Variants in SRPK2 observed in about 807,000 individuals in gnomAD.
SRPK2 encodes SFRS protein kinase 2.
Under a neutral mutation model 90.8 loss-of-function variants are expected in SRPK2, and 21 were observed. That is an observed-to-expected ratio of 0.23 (90% CI 0.16 to 0.33). The LOEUF (loss-of-function observed/expected upper bound fraction) is 0.33. Ranked by LOEUF, SRPK2 falls within the 10% of genes least tolerant of loss-of-function variation. The probability of loss-of-function intolerance (pLI) is 1.00; values close to 1 mark genes in which losing one functional copy is unlikely to be tolerated. For missense variants in SRPK2, 620 were observed against 869.0 expected, an observed-to-expected ratio of 0.71 and a Z score of 3.60; for synonymous variants, 288 against 311.1, an observed-to-expected ratio of 0.93 and a Z score of 0.78.
At chr7:105,160,867 T>C (rs1483706499) in intron 6 of SRPK2, among the ~76,000 whole-genome samples, 2 of 152,152 alleles carry the variant, frequency 1.3e-5, no homozygotes, top group East Asian at 1.9e-4. Flanking sequence ...AATGTACATA[T>C]GCTCGCCTCT....
intron 2 of SRPK2, among the ~76,000 whole-genome samples, chr7:105,286,411 T>C (rs1205458920): frequency 6.6e-6 from 1 of 152,214 alleles, no homozygotes; most frequent in East Asian, 1.9e-4. Flanking sequence ...GTCATTAACA[T>C]ATTAACTGTC....
At chr7:105,381,780 G>A (rs1202570155) in intron 2 of SRPK2, among the ~76,000 whole-genome samples, 1 of 152,128 alleles carries the variant, frequency 6.6e-6, no homozygotes, top group African/African-American at 2.4e-5. Context: ...AAAGTCATGG[G>A]CTTATGAGCT....
At chr7:105,157,649 G>T (rs1806721327) in intron 7 of SRPK2, among the ~76,000 whole-genome samples, 1 of 152,096 alleles carries the variant, frequency 6.6e-6, no homozygotes, top group East Asian at 1.9e-4. Flanking sequence ...CATTAACACT[G>T]CATATAAGAA....
intron 2 of SRPK2, among the ~76,000 whole-genome samples, chr7:105,208,032 A>C (rs1343501699): frequency 6.6e-6 from 1 of 152,224 alleles, no homozygotes; most frequent in Non-Finnish European, 1.5e-5. Flanking sequence ...ATGACCAATA[A>C]ATATATGAAA....
intron 2 of SRPK2, among the ~76,000 whole-genome samples, chr7:105,273,865 CTACAT>C (rs889422758): frequency 6.6e-6 from 1 of 152,072 alleles, no homozygotes; most frequent in Non-Finnish European, 1.5e-5. Context: ...TACAATTGAG[CTACAT>C]TAATTTATTC....
At chr7:105,329,020 A>C (rs531023484) in intron 2 of SRPK2, among the ~76,000 whole-genome samples, 1 of 152,130 alleles carries the variant, frequency 6.6e-6, no homozygotes, top group Non-Finnish European at 1.5e-5. Flanking sequence ...ATCCCTTAAA[A>C]AATAAAATAA....
At chr7:105,118,073 C>G (rs1301620721) in intron 15 of SRPK2, 51 bp from the exon 16 acceptor site, 1 of 1,594,414 alleles carries the variant, frequency 6.3e-7, no homozygotes, top group Admixed American at 1.7e-5. Context: ...ATCTGCATTC[C>G]CCATTGTTGG....
At chr7:105,385,622 A>G (rs1274839600) in intron 2 of SRPK2, among the ~76,000 whole-genome samples, 1 of 152,030 alleles carries the variant, frequency 6.6e-6, no homozygotes, top group Non-Finnish European at 1.5e-5. Flanking sequence ...GGTTTCTCGA[A>G]TACTTCCAGC....
At chr7:105,246,179 T>C (rs1040361709) in intron 2 of SRPK2, among the ~76,000 whole-genome samples, 1 of 152,236 alleles carries the variant, frequency 6.6e-6, no homozygotes, top group Non-Finnish European at 1.5e-5. Flanking sequence ...AAGATATTTA[T>C]GATGTTCATT....
intron 2 of SRPK2, among the ~76,000 whole-genome samples, chr7:105,380,531 T>C (rs1293367224): frequency 3.4e-5 from 5 of 148,290 alleles, no homozygotes; most frequent in African/African-American, 5.0e-5. Context: ...ATTTTTTTTT[T>C]TTTTTTTTTT....
intron 2 of SRPK2, among the ~76,000 whole-genome samples, chr7:105,350,409 A>G (rs920478408): frequency 6.7e-6 from 1 of 150,244 alleles, no homozygotes; most frequent in Non-Finnish European, 1.5e-5. Context: ...GATTACAGGC[A>G]TGAGCCACCG....
intron 2 of SRPK2, among the ~76,000 whole-genome samples, chr7:105,336,991 G>A (rs1344752602): frequency 6.6e-6 from 1 of 151,952 alleles, no homozygotes; most frequent in Non-Finnish European, 1.5e-5. Context: ...TAGTAGAGAT[G>A]GGGTTTCACT....
At chr7:105,345,922 G>A (rs1816397689) in intron 2 of SRPK2, among the ~76,000 whole-genome samples, 2 of 152,346 alleles carry the variant, frequency 1.3e-5, no homozygotes, top group Admixed American at 1.3e-4. Context: ...GGACATCACA[G>A]ATACAGAATG....
chr7:105,331,359 A>T (rs1251003840), intron 2 of SRPK2, among the ~76,000 whole-genome samples: 1 of 150,944 alleles, frequency 6.6e-6, no homozygotes, highest in African/African-American at 2.4e-5. Flanking sequence ...TACACAATTA[A>T]TCTGGATCAT....
intron 2 of SRPK2, among the ~76,000 whole-genome samples, chr7:105,360,774 C>A (rs1818337709): frequency 6.6e-6 from 1 of 152,136 alleles, no homozygotes; most frequent in South Asian, 2.1e-4. Flanking sequence ...GGTAACCCGA[C>A]AGGCCTTCAT....
intron 2 of SRPK2, among the ~76,000 whole-genome samples, chr7:105,336,893 C>A (rs975856161): frequency 6.6e-6 from 1 of 151,914 alleles, no homozygotes; most frequent in Non-Finnish European, 1.5e-5. Flanking sequence ...ACCTCTGACT[C>A]CAGGTTCAAG....
intron 2 of SRPK2, among the ~76,000 whole-genome samples, chr7:105,230,356 T>C (rs753845687): frequency 4.4e-4 from 67 of 152,234 alleles, no homozygotes; most frequent in South Asian, 1.0e-3. Context: ...ACGTCCAATA[T>C]AATGAATGTA....
At chr7:105,379,378 A>G (rs1430179995) in intron 2 of SRPK2, among the ~76,000 whole-genome samples, 2 of 152,182 alleles carry the variant, frequency 1.3e-5, no homozygotes, top group Non-Finnish European at 1.5e-5. Flanking sequence ...GGATGTGTGA[A>G]GGTTACAAGG....
intron 15 of SRPK2, among the ~76,000 whole-genome samples, chr7:105,123,468 A>G (rs573172009): frequency 3.3e-5 from 5 of 152,338 alleles, no homozygotes; most frequent in Middle Eastern, 3.4e-3. Context: ...GTGATACGGC[A>G]TATCAACAGC....
Sources: gnomAD v4.1 joint callset for allele counts (sites outside exome capture counted in the v4.1 genomes callset) on GRCh38, gnomAD v4.1.1 for gene constraint, MANE v1.5 for transcripts, NCBI Gene and HGNC (gene_info 2026-07-23, HGNC 2026-07-21) for gene names.